SEMA5A: variants seen among roughly 807,000 people sequenced by gnomAD.
SEMA5A encodes semaphorin 5A.
Under a neutral mutation model 135.5 loss-of-function variants are expected in SEMA5A, and 55 were observed. That is an observed-to-expected ratio of 0.41 (90% CI 0.33 to 0.51). The LOEUF (loss-of-function observed/expected upper bound fraction) is 0.51. SEMA5A is among the 20% of genes least tolerant of loss of function. The pLI, the probability that SEMA5A is intolerant of heterozygous loss-of-function variation, is 0.37. For missense variants in SEMA5A, 1,290 were observed against 1,419.9 expected, an observed-to-expected ratio of 0.91 and a Z score of 1.47; for synonymous variants, 580 against 546.5, an observed-to-expected ratio of 1.06 and a Z score of -0.85.
chr5:9,110,539 A>G (rs1189507360), intron 15 of SEMA5A, among the ~76,000 whole-genome samples: 1 of 152,226 alleles, frequency 6.6e-6, no homozygotes, highest in Admixed American at 6.5e-5. Context: ...AAAGTACAAT[A>G]TGGCAACTGT....
At chr5:9,451,511 A>G (rs186863541) in intron 1 of SEMA5A, among the ~76,000 whole-genome samples, 1 of 152,318 alleles carries the variant, frequency 6.6e-6, no homozygotes, top group East Asian at 1.9e-4. Context: ...ATTGTAAAAG[A>G]GCCATAGTCA....
chr5:9,536,474 A>G (rs998128286), intron 1 of SEMA5A, among the ~76,000 whole-genome samples: 1 of 152,108 alleles, frequency 6.6e-6, no homozygotes, highest in Non-Finnish European at 1.5e-5. Context: ...TTAGCTGGGC[A>G]TGATGGTGCA....
At chr5:9,458,366 G>C (rs973589125) in intron 1 of SEMA5A, among the ~76,000 whole-genome samples, 6 of 152,172 alleles carry the variant, frequency 3.9e-5, no homozygotes, top group African/African-American at 1.4e-4. Context: ...TTGATCTGAT[G>C]AATCTTTCGC....
intron 8 of SEMA5A, among the ~76,000 whole-genome samples, chr5:9,221,461 C>T (rs1271168591): frequency 6.6e-6 from 1 of 151,790 alleles, no homozygotes; most frequent in Non-Finnish European, 1.5e-5. Context: ...CACCACCACG[C>T]CCGGCTAATT....
At chr5:9,372,597 A>G (rs2126443236) in intron 3 of SEMA5A, among the ~76,000 whole-genome samples, 1 of 152,240 alleles carries the variant, frequency 6.6e-6, no homozygotes, top group South Asian at 2.1e-4. Context: ...ATAGACAAGC[A>G]TGGAGCCATG....
At chr5:9,534,771 T>C (rs1267367874) in intron 1 of SEMA5A, among the ~76,000 whole-genome samples, 1 of 152,152 alleles carries the variant, frequency 6.6e-6, no homozygotes, top group Non-Finnish European at 1.5e-5. Flanking sequence ...AGAATTTTAT[T>C]TGGGGTTTAC....
chr5:9,457,490 T>C (rs1321983153), intron 1 of SEMA5A, among the ~76,000 whole-genome samples: 1 of 152,210 alleles, frequency 6.6e-6, no homozygotes, highest in East Asian at 1.9e-4. Context: ...CCCTTCAATA[T>C]TATTATCATC....
intron 5 of SEMA5A, among the ~76,000 whole-genome samples, chr5:9,286,637 T>A (rs994027064): frequency 6.6e-6 from 1 of 152,152 alleles, no homozygotes; most frequent in African/African-American, 2.4e-5. Flanking sequence ...CCAGTCCAAA[T>A]AATATGTTCC....
intron 16 of SEMA5A, among the ~76,000 whole-genome samples, chr5:9,101,337 A>G (rs7722769): frequency 0.12 from 17,635 of 152,178 alleles, 1,579 homozygotes; most frequent in East Asian, 0.32. Context: ...ACCTTCCTAC[A>G]ACCTGGACCA....
chr5:9,071,883 A>C (rs948900616), intron 16 of SEMA5A, among the ~76,000 whole-genome samples: 3 of 152,222 alleles, frequency 2.0e-5, no homozygotes, highest in Non-Finnish European at 4.4e-5. Flanking sequence ...AGAAATAACA[A>C]AGTAATTGAA....
chr5:9,485,327 A>C (rs762367522), intron 1 of SEMA5A, among the ~76,000 whole-genome samples: 1 of 152,252 alleles, frequency 6.6e-6, no homozygotes, highest in Non-Finnish European at 1.5e-5. Context: ...AGAAGGTGTC[A>C]TGTGGGTCAG....
rs983445465 is a variant in SEMA5A, at chr5:9,042,008, G to A, written c.*889C>T. 1 of 152,270 alleles carries A rather than the reference G, an allele frequency of 6.6e-6. No homozygotes were observed. The allele number at this position is 152,270 out of a possible 1,614,324, so 9.4% of individuals were successfully genotyped here. ...TTCAAGATTTTTCTTTGCAGGGAGA[G>A]AGAAGGCATGGAGTCTATCCAAACG... On this transcript the variant is annotated 3_prime_UTR_variant, in exon 23 of 23. Transcript: ENST00000382496.
chr5:9,239,588 C>T lies in SEMA5A; in HGVS notation c.271-1698G>A, dbSNP rs1806002. ...TTTTTTGTATTTAAGTAGATATCCA[C>T]GTCTTGGCCTTTACTTAAACTTAAA... On this transcript the variant is annotated intron_variant, in intron 5 of 22. Transcript: ENST00000382496. Among the ~76,000 whole-genome samples, 1,517 of 152,092 alleles carry T rather than the reference C, an allele frequency of 1.0e-2. 31 individuals carry two copies. The highest frequency in any genetic ancestry group is 0.035 in the African/African-American group (1,461 of 41,512).
At chr5:9,508,906 G>A (rs442173) in intron 1 of SEMA5A, among the ~76,000 whole-genome samples, 137,380 of 152,218 alleles carry the variant, frequency 0.9, 62,170 homozygotes, top group Middle Eastern at 0.95. Context: ...AGAAAAAGTG[G>A]ATCTACAACT....
chr5:9,486,266 T>C (rs1734720580), intron 1 of SEMA5A, among the ~76,000 whole-genome samples: 1 of 151,910 alleles, frequency 6.6e-6, no homozygotes, highest in Non-Finnish European at 1.5e-5. Context: ...CACAGGCACC[T>C]GTTGAGTGGG....
At chr5:9,413,757 G>A (rs1757185771) in intron 2 of SEMA5A, among the ~76,000 whole-genome samples, 1 of 152,090 alleles carries the variant, frequency 6.6e-6, no homozygotes, top group African/African-American at 2.4e-5. Context: ...CAATGTTTTT[G>A]TTATACATAG....
rs368110091 is a variant in SEMA5A, at chr5:9,049,381, C to G, written c.2893+1029G>C. On this transcript the variant is annotated intron_variant, in intron 21 of 22. Transcript: ENST00000382496. ...TTCGTCATGTTGGAAAGGCTCATCT[C>G]GAACTCCTCCTGACCTCACGTGATC... Among the ~76,000 whole-genome samples, 6 of 152,232 alleles carry G rather than the reference C, an allele frequency of 3.9e-5. No individual in the cohort carries two copies. The South Asian group carries it at 1.0e-3, about 26-fold the overall frequency.
intron 1 of SEMA5A, among the ~76,000 whole-genome samples, chr5:9,508,642 G>C (rs1736041079): frequency 6.6e-6 from 1 of 152,096 alleles, no homozygotes; most frequent in Non-Finnish European, 1.5e-5. Flanking sequence ...CCCTTCTGCG[G>C]GTGTCCAGAG....
chr5:9,450,708 T>C (rs1695299713), intron 1 of SEMA5A, among the ~76,000 whole-genome samples: 2 of 151,564 alleles, frequency 1.3e-5, no homozygotes, highest in South Asian at 2.1e-4. Flanking sequence ...AAAACACATA[T>C]GTGCTCTGGC....
Sources: allele counts gnomAD v4.1 joint callset (sites outside exome capture counted in the v4.1 genomes callset), GRCh38; gene constraint gnomAD v4.1.1; transcripts MANE v1.5; gene names NCBI Gene and HGNC (gene_info 2026-07-23, HGNC 2026-07-21).